Variants in ULK4 observed in about 807,000 individuals in gnomAD.
ULK4 encodes the protein inactive serine/threonine-protein kinase ULK4.
Under a neutral mutation model 160.6 loss-of-function variants are expected in ULK4, and 133 were observed. The observed-to-expected ratio is 0.83, with a 90% CI of 0.72 to 0.96. ULK4 has a LOEUF of 0.96. ULK4 is among the 40% of genes least tolerant of loss of function. The pLI is 0.00. For missense variants in ULK4, 1,580 were observed against 1,499.5 expected (o/e 1.05, Z -0.89); for synonymous variants, 534 against 539.8 (o/e 0.99, Z 0.15).
chr3:41,824,390 AG>A (rs1399784805), intron 18 of ULK4, among the ~76,000 whole-genome samples: 8 of 152,084 alleles, frequency 5.3e-5, no homozygotes, highest in Admixed American at 5.2e-4. Flanking sequence ...GGGAAGCGCA[AG>A]GGGTCAGTGA....
intron 31 of ULK4, among the ~76,000 whole-genome samples, chr3:41,578,773 C>G (rs2029925890): frequency 6.6e-6 from 1 of 152,164 alleles, no homozygotes; most frequent in African/African-American, 2.4e-5. Context: ...ATGGTATGTG[C>G]TGGACAAGTG....
At chr3:41,573,544 G>A (rs1278182674) in intron 31 of ULK4, among the ~76,000 whole-genome samples, 6 of 152,132 alleles carry the variant, frequency 3.9e-5, no homozygotes, top group Non-Finnish European at 8.8e-5. Context: ...GTTCAGGCCA[G>A]AATTTAACAA....
chr3:41,502,948 C>T (rs999831216), intron 32 of ULK4, among the ~76,000 whole-genome samples: 1 of 151,864 alleles, frequency 6.6e-6, no homozygotes, highest in African/African-American at 2.4e-5. Context: ...GTTAAATGTA[C>T]AAATGTCCAT....
intron 17 of ULK4, among the ~76,000 whole-genome samples, chr3:41,845,157 G>A (rs920767335): frequency 5.3e-5 from 8 of 152,014 alleles, no homozygotes; most frequent in African/African-American, 1.9e-4. Flanking sequence ...AGTAGAGATG[G>A]GGTTTCACCG....
At chr3:41,945,926 T>C (rs1041980405) in intron 2 of ULK4, among the ~76,000 whole-genome samples, 1 of 152,196 alleles carries the variant, frequency 6.6e-6, no homozygotes, top group African/African-American at 2.4e-5. Context: ...ATCTGTACTT[T>C]AAATATGTAT....
At chr3:41,640,902 C>G (rs2034158458) in intron 30 of ULK4, among the ~76,000 whole-genome samples, 1 of 152,134 alleles carries the variant, frequency 6.6e-6, no homozygotes. Flanking sequence ...CACTTTGTCC[C>G]TGGAAACTCT....
chr3:41,276,353 G>C (rs1485651075), intron 35 of ULK4, among the ~76,000 whole-genome samples: 1 of 152,184 alleles, frequency 6.6e-6, no homozygotes, highest in Admixed American at 6.5e-5. Flanking sequence ...TTTCACTTCA[G>C]ATCTTGAGAA....
At chr3:41,252,844 A>ATAAC (rs1187564285) in intron 35 of ULK4, among the ~76,000 whole-genome samples, 1 of 152,160 alleles carries the variant, frequency 6.6e-6, no homozygotes, top group African/African-American at 2.4e-5. Flanking sequence ...AAAGAAATCC[A>ATAAC]TAACCAAATC....
At chr3:41,500,089 T>C (rs1210376847) in intron 32 of ULK4, among the ~76,000 whole-genome samples, 1 of 152,094 alleles carries the variant, frequency 6.6e-6, no homozygotes, top group East Asian at 1.9e-4. Context: ...AAGGCTTTCT[T>C]GAGTTTTTTC....
chr3:41,756,482 A>C (rs1321854019), intron 21 of ULK4, among the ~76,000 whole-genome samples: 3 of 152,216 alleles, frequency 2.0e-5, no homozygotes, highest in Admixed American at 6.5e-5. Flanking sequence ...CATGTATCAT[A>C]CCATCAACTC....
intron 35 of ULK4, among the ~76,000 whole-genome samples, chr3:41,369,398 G>A (rs1391906413): frequency 6.6e-6 from 1 of 152,102 alleles, no homozygotes; most frequent in South Asian, 2.1e-4. Context: ...GGAGGCTGAG[G>A]TGAGAGGATC....
In ULK4 at chr3:41,463,356, TAAGC is replaced by T. The variant is rs986170495; in HGVS notation, c.3227-107_3227-104del. ...TTCTGGCTCTATGTTGCATAAACCC[TAAGC>T]AATACTTAAACTATACTCTTATCAG... On this transcript the variant is annotated intron_variant, in intron 32 of 36. Coordinates refer to ENST00000301831, the MANE Select transcript of ULK4 (RefSeq NM_017886.4). 6.2e-6 allele frequency: 7 copies of T among 1,128,712 alleles called. No individual in the cohort carries two copies. In the African/African-American group the frequency reaches 9.3e-5, roughly 15 times the overall value. The allele number at this position is 1,128,712 out of a possible 1,614,324, so 69.9% of individuals were successfully genotyped here.
chr3:41,486,123 G>A (rs910915397), intron 32 of ULK4, among the ~76,000 whole-genome samples: 1 of 151,956 alleles, frequency 6.6e-6, no homozygotes, highest in African/African-American at 2.4e-5. Context: ...AATCAAGCAT[G>A]TGCACGTATC....
In ULK4 at chr3:41,473,075, C is replaced by G. The variant is rs201639452; in HGVS notation, c.3227-9822G>C. On this transcript the variant is annotated intron_variant, in intron 32 of 36. Coordinates refer to ENST00000301831, the MANE Select transcript of ULK4 (RefSeq NM_017886.4). ...ACATCTTTTCATGATTAAAAACTCT[C>G]AACAAATCAATGTACCTCAACATAA... Among the ~76,000 whole-genome samples, 7 of 152,222 alleles carry G rather than the reference C, an allele frequency of 4.6e-5. No homozygotes were observed. In the East Asian group the frequency reaches 1.4e-3, roughly 29 times the overall value.
chr3:41,960,516 A>G (rs934751660), intron 1 of ULK4, among the ~76,000 whole-genome samples: 1 of 151,848 alleles, frequency 6.6e-6, no homozygotes. Flanking sequence ...CTGGCACACC[A>G]CCACACCCAG....
chr3:41,731,779 A>G (rs896031114), intron 22 of ULK4, among the ~76,000 whole-genome samples: 2 of 152,144 alleles, frequency 1.3e-5, no homozygotes, highest in African/African-American at 4.8e-5. Context: ...TAGCATAAAA[A>G]CAGACACACA....
At chr3:41,715,340 A>T (rs754233773) in intron 24 of ULK4, 47 bp from the exon 25 acceptor site, 2 of 1,611,354 alleles carry the variant, frequency 1.2e-6, no homozygotes, top group South Asian at 2.2e-5. Context: ...AGCTATGTAC[A>T]ACGTTAGCTC....
chr3:41,423,161 C>T (rs1467008706), intron 34 of ULK4, among the ~76,000 whole-genome samples: 1 of 152,106 alleles, frequency 6.6e-6, no homozygotes, highest in Non-Finnish European at 1.5e-5. Flanking sequence ...GAGATAAGTG[C>T]TTTGACAGTA....
At chr3:41,297,488 T>G (rs1345357992) in intron 35 of ULK4, among the ~76,000 whole-genome samples, 3 of 152,222 alleles carry the variant, frequency 2.0e-5, no homozygotes, top group Admixed American at 6.5e-5. Context: ...TGGCAGAACC[T>G]TTTTTCCTTA....
Sources: gnomAD v4.1 joint callset for allele counts (sites outside exome capture counted in the v4.1 genomes callset) on GRCh38, gnomAD v4.1.1 for gene constraint, MANE v1.5 for transcripts, NCBI Gene and HGNC (gene_info 2026-07-23, HGNC 2026-07-21) for gene names.